Variants in WHR1 observed in about 807,000 individuals in gnomAD.
WHR1 encodes MHC class III HLA-RP1.
chr6:31,972,015 G>A, the WHR1 span: 3 of 1,607,228 alleles, frequency 1.9e-6, no homozygotes, highest in Non-Finnish European at 2.6e-6. The surrounding 1 kb of genome is among the most constrained non-coding windows in gnomAD (Gnocchi z 6.3). Context: ...GTGGTTTTCT[G>A]CTTTCGATGA....
At chr6:31,979,159 G>C in the WHR1 span, 7 of 639,364 alleles carry the variant, frequency 1.1e-5, no homozygotes, top group Non-Finnish European at 1.8e-5. Context: ...GAGGGAGAGA[G>C]ACAGGAGGGA....
chr6:31,978,855 C>G, the WHR1 span: 3 of 1,575,620 alleles, frequency 1.9e-6, no homozygotes, highest in Non-Finnish European at 1.7e-6. Context: ...TATAGCAGAG[C>G]ATCTTACCCT....
chr6:31,976,826 G>A, the WHR1 span, among the ~76,000 whole-genome samples: 16 of 152,338 alleles, frequency 1.1e-4, no homozygotes, highest in East Asian at 1.9e-4. Context: ...CGGATCACTC[G>A]CGGTTAGGAG....
chr6:31,975,172 T>A, the WHR1 span, among the ~76,000 whole-genome samples: 1 of 151,890 alleles, frequency 6.6e-6, no homozygotes, highest in Non-Finnish European at 1.5e-5. Flanking sequence ...GGGAGGTGAC[T>A]GCTGTGGTCA....
At chr6:31,980,633 C>A in the WHR1 span, 54 of 1,580,722 alleles carry the variant, frequency 3.4e-5, no homozygotes, top group Non-Finnish European at 4.1e-5. Flanking sequence ...TTTCCCCTTT[C>A]CTGTGCCACT....
At chr6:31,980,216 A>C in the WHR1 span, 3 of 509,770 alleles carry the variant, frequency 5.9e-6, no homozygotes, top group Non-Finnish European at 1.0e-5. Context: ...TAATAGTAGC[A>C]GGAAAAGAAA....
At chr6:31,978,239 G>T in the WHR1 span, among the ~76,000 whole-genome samples, 1 of 151,894 alleles carries the variant, frequency 6.6e-6, no homozygotes, top group Non-Finnish European at 1.5e-5. Context: ...TGATCCTCTT[G>T]CCTTAGTCTC....
At chr6:31,972,069 G>C in the WHR1 span, 25 of 1,612,620 alleles carry the variant, frequency 1.6e-5, no homozygotes, top group Non-Finnish European at 2.1e-5. This position sits in a 1 kb window ranked among gnomAD's most constrained non-coding sequence, Gnocchi z 6.3. Flanking sequence ...CTCCCGGGGC[G>C]GGGGAGGTGT....
At chr6:31,972,078 G>A in the WHR1 span, 1 of 1,613,022 alleles carries the variant, frequency 6.2e-7, no homozygotes, top group Non-Finnish European at 8.5e-7. The surrounding 1 kb of genome is among the most constrained non-coding windows in gnomAD (Gnocchi z 6.3). Context: ...CGGGGGAGGT[G>A]TGAGCTTCAC....
At chr6:31,977,785 C>T in the WHR1 span, among the ~76,000 whole-genome samples, 2 of 151,714 alleles carry the variant, frequency 1.3e-5, no homozygotes, top group African/African-American at 4.8e-5. Flanking sequence ...CCGTGCCCGG[C>T]CCCAGTTATT....
chr6:31,978,723 A>T, the WHR1 span, among the ~76,000 whole-genome samples: 1 of 152,222 alleles, frequency 6.6e-6, no homozygotes, highest in South Asian at 2.1e-4. Flanking sequence ...GAATGTGGGT[A>T]GCTAGTTGGA....
chr6:31,974,672 T>A, the WHR1 span, among the ~76,000 whole-genome samples: 1 of 151,916 alleles, frequency 6.6e-6, no homozygotes. Context: ...GCAGAAGGAG[T>A]GCTTGAGCCC....
At chr6:31,978,850 CA>C in the WHR1 span, 1 of 1,564,308 alleles carries the variant, frequency 6.4e-7, no homozygotes, top group Non-Finnish European at 8.8e-7. Context: ...CAGAGTATAG[CA>C]GAGCATCTTA....
At chr6:31,979,263 A>C in the WHR1 span, 1 of 457,110 alleles carries the variant, frequency 2.2e-6, no homozygotes, top group Non-Finnish European at 3.1e-6. Context: ...GAAGAGGGGG[A>C]GGAGGATGAA....
At chr6:31,971,940 C>A in the WHR1 span, 220 of 1,551,560 alleles carry the variant, frequency 1.4e-4, no homozygotes, top group Non-Finnish European at 1.8e-4. This position sits in a 1 kb window ranked among gnomAD's most constrained non-coding sequence, Gnocchi z 4.5. Context: ...TCAAAGCTCC[C>A]CAACTTCCAC....
the WHR1 span, among the ~76,000 whole-genome samples, chr6:31,978,735 A>C: frequency 6.6e-6 from 1 of 152,188 alleles, no homozygotes; most frequent in South Asian, 2.1e-4. Context: ...CTAGTTGGAA[A>C]AGGCTGCTTG....
At chr6:31,972,389 C>A in the WHR1 span, 1 of 1,612,974 alleles carries the variant, frequency 6.2e-7, no homozygotes, top group Non-Finnish European at 8.5e-7. The surrounding 1 kb of genome is among the most constrained non-coding windows in gnomAD (Gnocchi z 6.3). Flanking sequence ...TACCCCTTCC[C>A]CGGTACCATA....
At chr6:31,974,749 C>T in the WHR1 span, among the ~76,000 whole-genome samples, 1 of 152,038 alleles carries the variant, frequency 6.6e-6, no homozygotes, top group Non-Finnish European at 1.5e-5. Context: ...CAGAGGGAGA[C>T]CCTGTCTCTA....
chr6:31,974,041 T>C, the WHR1 span, among the ~76,000 whole-genome samples: 1 of 152,118 alleles, frequency 6.6e-6, no homozygotes, highest in Non-Finnish European at 1.5e-5. Context: ...CCCAGCACTT[T>C]GGGAGGCCGA....
Sources: allele counts gnomAD v4.1 joint callset (sites outside exome capture counted in the v4.1 genomes callset), GRCh38; gene constraint gnomAD v4.1.1; non-coding constraint Gnocchi (gnomAD v3.1); transcripts MANE v1.5; gene names NCBI Gene and HGNC (gene_info 2026-07-23, HGNC 2026-07-21).